Variants in VSTM4 observed in about 807,000 individuals in gnomAD.
The protein encoded by VSTM4 is V-set and transmembrane domain containing 4.
Under a neutral mutation model 36.4 loss-of-function variants are expected in VSTM4, and 20 were observed. The observed-to-expected ratio is 0.55, with a 90% CI of 0.39 to 0.80. VSTM4 has a LOEUF of 0.80. Among genes scored for constraint, VSTM4 ranks in the 30% least tolerant of loss-of-function variants. The probability of loss-of-function intolerance (pLI) is 0.00; values close to 1 mark genes in which losing one functional copy is unlikely to be tolerated. For synonymous variants in VSTM4, 182 were observed against 173.9 expected (o/e 1.05, Z -0.37); for missense variants, 392 against 404.5 (o/e 0.97, Z 0.26).
In VSTM4 at chr10:49,018,828, G is replaced by A. The variant is rs776427121; in HGVS notation, c.*822C>T. 4 of 152,252 alleles carry A rather than the reference G, an allele frequency of 2.6e-5. No homozygotes were observed. The highest frequency in any genetic ancestry group is 1.5e-5 in the Non-Finnish European group (1 of 68,052). The allele number at this position is 152,252 out of a possible 1,614,324, so 9.4% of individuals were successfully genotyped here. A position where few individuals can be genotyped will look rare whatever the true frequency, so the allele number is the denominator to read the frequency against. On this transcript the variant is annotated 3_prime_UTR_variant, in exon 8 of 8. Transcript: ENST00000332853. ...CACCTTCAGGGGCTGAATCAGAGGT[G>A]ACTGAGCTTGGCACACAGTGAAGAG...
rs558043400 is a variant in VSTM4, at chr10:49,075,032, G to A, written c.634+2187C>T. Among the ~76,000 whole-genome samples the A allele has an allele frequency of 5.3e-5, 8 of 152,312 alleles. No homozygotes were observed. The East Asian group carries it at 5.8e-4, about 11-fold the overall frequency. On this transcript the variant is annotated intron_variant, in intron 4 of 7. Transcript: ENST00000332853. The stretch of plus-strand genomic sequence containing the variant: ...CCATATGAGGTGCCTGGCCCACAGC[G>A]GGTGCTCAGACAACGCTCTGGACAG...
At chr10:49,026,662 C>T (rs904808668) in intron 7 of VSTM4, among the ~76,000 whole-genome samples, 2 of 152,098 alleles carry the variant, frequency 1.3e-5, no homozygotes, top group African/African-American at 4.8e-5. Context: ...AAAAAGAGGG[C>T]CCAGCTCATG....
chr10:49,084,046 C>T (rs1844327315), intron 3 of VSTM4, among the ~76,000 whole-genome samples: 1 of 152,212 alleles, frequency 6.6e-6, no homozygotes, highest in African/African-American at 2.4e-5. Flanking sequence ...CCCAACCCAT[C>T]ACAGTGCCTG....
intron 7 of VSTM4, among the ~76,000 whole-genome samples, chr10:49,037,172 G>A (rs942675608): frequency 2.0e-5 from 3 of 152,146 alleles, no homozygotes; most frequent in Non-Finnish European, 4.4e-5. Context: ...TCTCCCCAGG[G>A]GGCTGACCTG....
chr10:49,072,772 C>A (rs1170883593), intron 4 of VSTM4, among the ~76,000 whole-genome samples: 1 of 152,178 alleles, frequency 6.6e-6, no homozygotes, highest in Non-Finnish European at 1.5e-5. Flanking sequence ...CAGAGGCAGG[C>A]CCCAGGGCTG....
intron 7 of VSTM4, among the ~76,000 whole-genome samples, chr10:49,023,485 C>T (rs190500228): frequency 1.5e-4 from 23 of 152,298 alleles, no homozygotes; most frequent in Admixed American, 1.2e-3. Flanking sequence ...TGGCACATCA[C>T]TAAGACTAGG....
chr10:49,068,006 G>A (rs1844003934), intron 4 of VSTM4, among the ~76,000 whole-genome samples: 1 of 152,134 alleles, frequency 6.6e-6, no homozygotes, highest in Non-Finnish European at 1.5e-5. Context: ...TAAATGCTAT[G>A]TAAACCATTG....
At chr10:49,104,415 C>T (rs80311753) in intron 2 of VSTM4, among the ~76,000 whole-genome samples, 4,756 of 152,254 alleles carry the variant, frequency 0.031, 239 homozygotes, top group African/African-American at 0.11. Flanking sequence ...TGCAGCCATG[C>T]GCCTCTCCTG....
intron 2 of VSTM4, chr10:49,102,671 A>G (rs898791666): frequency 1.0e-6 from 1 of 985,262 alleles, no homozygotes; most frequent in African/African-American, 1.7e-5. Context: ...AAAGAGAGGT[A>G]AGGCATCCCA....
chr10:49,102,395 A>C, intron 2 of VSTM4: 6 of 984,914 alleles, frequency 6.1e-6, no homozygotes, highest in Non-Finnish European at 7.2e-6. Context: ...CGGCCTCCCA[A>C]AGTGCTGGGA....
intron 7 of VSTM4, among the ~76,000 whole-genome samples, chr10:49,027,419 C>T (rs1216207165): frequency 1.3e-5 from 2 of 152,108 alleles, no homozygotes; most frequent in African/African-American, 4.8e-5. Flanking sequence ...GCTGTGTCTC[C>T]GATGACATAA....
At chr10:49,107,454 A>G in intron 2 of VSTM4, 140 bp downstream of exon 2, 2 of 1,085,150 alleles carry the variant, frequency 1.8e-6, no homozygotes, top group South Asian at 3.3e-5. Context: ...GGCATGACTC[A>G]TGTCTGTGAC....
rs945563147 is a variant in VSTM4, at chr10:49,096,821, A to G, written c.457+10773T>C. Among the ~76,000 whole-genome samples the G allele has an allele frequency of 2.0e-5, 3 of 151,832 alleles. No homozygotes were observed. In the South Asian group the frequency reaches 6.2e-4, roughly 32 times the overall value. On this transcript the variant is annotated intron_variant, in intron 2 of 7. Transcript: ENST00000332853. ...AGTCTCCCGCCACCATGCCCGGCTA[A>G]TTTTTATATTTTTAGTAGACACGGG...
Position 49,108,128 on chromosome 10 carries a change from C to T in VSTM4, c.56-133G>A, listed in dbSNP as rs917519700. The T allele has an allele frequency of 6.7e-5, 85 of 1,275,816 alleles. 1 individual carries two copies. The South Asian group carries it at 8.7e-4, about 13-fold the overall frequency. The allele number at this position is 1,275,816 out of a possible 1,614,324, so 79.0% of individuals were successfully genotyped here. ...TGCTCTGCCTGGCCAGAGAAGCAGG[C>T]GGCCCCTCACCTCTCCAGAGGAGGG... On this transcript the variant is annotated intron_variant, in intron 1 of 7. Coordinates refer to ENST00000332853, the MANE Select transcript of VSTM4 (RefSeq NM_001031746.5).
At chr10:49,107,372 C>T (rs547826056) in intron 2 of VSTM4, among the ~76,000 whole-genome samples, 89 of 152,372 alleles carry the variant, frequency 5.8e-4, no homozygotes, top group African/African-American at 2.1e-3. Flanking sequence ...GCACTTGGTC[C>T]TTTCTGTTCT....
At chr10:49,040,199 G>C (rs1426691705) in intron 7 of VSTM4, among the ~76,000 whole-genome samples, 1 of 152,192 alleles carries the variant, frequency 6.6e-6, no homozygotes, top group African/African-American at 2.4e-5. Flanking sequence ...TTGAAAGCAG[G>C]TTGTTGTGTT....
chr10:49,078,571 T>C (rs1017819653), intron 3 of VSTM4, among the ~76,000 whole-genome samples: 4 of 151,850 alleles, frequency 2.6e-5, no homozygotes, highest in African/African-American at 9.7e-5. Context: ...TATGACATTC[T>C]TCATCAATGT....
At chr10:49,049,739 T>C (rs980073052) in intron 5 of VSTM4, among the ~76,000 whole-genome samples, 1 of 143,832 alleles carries the variant, frequency 7.0e-6, no homozygotes, top group African/African-American at 2.5e-5. Context: ...GAATTCCAGT[T>C]AAAGTATACT....
chr10:49,103,586 C>T lies in VSTM4; in HGVS notation c.457+4008G>A, dbSNP rs746562111. The T allele has an allele frequency of 2.0e-5, 28 of 1,425,100 alleles. No individual in the cohort carries two copies. The Admixed American group carries it at 5.1e-4, about 26-fold the overall frequency. 88.3% of individuals were successfully genotyped at this position (1,425,100 alleles called of 1,614,324 possible). A position where few individuals can be genotyped will look rare whatever the true frequency, so the allele number is the denominator to read the frequency against. ...ATAATAAGAGCCAACACTCCTATGGCTCTTCTCAGAACTGGGAGTTATTTT... is the reference window on the plus strand; with the variant it reads ...ATAATAAGAGCCAACACTCCTATGGTTCTTCTCAGAACTGGGAGTTATTTT... On this transcript the variant is annotated intron_variant, in intron 2 of 7. Transcript: ENST00000332853.
Sources: allele counts gnomAD v4.1 joint callset (sites outside exome capture counted in the v4.1 genomes callset), GRCh38; gene constraint gnomAD v4.1.1; transcripts MANE v1.5; gene names NCBI Gene and HGNC (gene_info 2026-07-23, HGNC 2026-07-21).